The following WSCD2 variants were observed in gnomAD, a reference collection of about 807,000 sequenced individuals.
WSCD2 encodes sialate:O-sulfotransferase 2.
In WSCD2, 28 loss-of-function variants were observed where a neutral mutation model predicts 55.7. The ratio of observed to expected loss-of-function variants is 0.50; its 90% CI spans 0.37 to 0.69. WSCD2 has a LOEUF of 0.69. WSCD2 is among the 30% of genes least tolerant of loss of function. WSCD2 has a pLI of 0.00. For missense variants in WSCD2, 616 were observed against 762.1 expected, an observed-to-expected ratio of 0.81 and a Z score of 2.26; for synonymous variants, 301 against 301.9, an observed-to-expected ratio of 1.00 and a Z score of 0.03.
In WSCD2 at chr12:108,248,178, G is replaced by C; in HGVS notation, c.1533G>C (p.Glu511Asp). 6.2e-7 allele frequency: 1 copy of C among 1,614,210 alleles called. No homozygotes were observed. Reference protein sequence around the residue: ...AVREDRLLCVESQKDGNFKRS... With the variant: ...AVREDRLLCVDSQKDGNFKRS... ...GGGAGGACCGGCTGCTCTGTGTGGA[G>C]AGCCAGAAGGATGGCAACTTCAAGC... Residue 511 changes from glutamate (E) to aspartate (D), a missense_variant, in exon 9 of 9, where the codon GAG becomes GAC. Physicochemically the swap from Glu to Asp is conservative, Grantham distance 45. Coordinates refer to ENST00000547525, the MANE Select transcript of WSCD2 (RefSeq NM_014653.4). This position sits in a 1 kb window ranked among gnomAD's most constrained non-coding sequence, Gnocchi z 4.3.
At chr12:108,142,784 T>C (rs1308557838) in intron 1 of WSCD2, among the ~76,000 whole-genome samples, 1 of 152,014 alleles carries the variant, frequency 6.6e-6, no homozygotes, top group African/African-American at 2.4e-5. Flanking sequence ...TTTTCCTTCC[T>C]TTCTCCTTCC....
rs1875234068 is a variant in WSCD2 at position 108,129,320 on chromosome 12, G to A, written c.-1158G>A. 6.6e-6 allele frequency among the ~76,000 whole-genome samples: 1 copy of A among 152,152 alleles called. No homozygotes were observed. The highest frequency in any genetic ancestry group is 2.4e-5 in the African/African-American group (1 of 41,458). On this transcript the variant is annotated 5_prime_UTR_variant, in exon 1 of 9. Transcript: ENST00000547525. ...GCTGCTGGTGGCGGCGGCGGCAGCGGCGCGGGAGCTAGGGCTGGAGACGTG... is the reference window on the plus strand; with the variant it reads ...GCTGCTGGTGGCGGCGGCGGCAGCGACGCGGGAGCTAGGGCTGGAGACGTG...
chr12:108,132,811 C>T (rs1369993268), intron 1 of WSCD2, among the ~76,000 whole-genome samples: 1 of 152,200 alleles, frequency 6.6e-6, no homozygotes, highest in Non-Finnish European at 1.5e-5. Flanking sequence ...CATGTGCATA[C>T]AGCCATGTGA....
intron 1 of WSCD2, among the ~76,000 whole-genome samples, chr12:108,145,176 C>T (rs1877255532): frequency 6.6e-6 from 1 of 152,226 alleles, no homozygotes. Context: ...TTTGCACATA[C>T]TGTGCCCTTG....
intron 4 of WSCD2, among the ~76,000 whole-genome samples, chr12:108,223,588 T>A (rs964101734): frequency 3.3e-5 from 5 of 152,294 alleles, no homozygotes; most frequent in Admixed American, 2.0e-4. Context: ...GCAATGAACA[T>A]CCCTATTGAT....
Position 108,210,931 on chromosome 12 carries a change from CAGA to C in WSCD2, c.682+629_682+631del, listed in dbSNP as rs911861822. 7.9e-5 allele frequency among the ~76,000 whole-genome samples: 12 copies of C among 152,196 alleles called. No homozygotes were observed. The highest frequency in any genetic ancestry group is 5.2e-4 in the Admixed American group (8 of 15,286). ...AAAATCTCTCTGATTTCCAAACCAA[CAGA>C]AGGAGGGAGTGAATAAGAGGACAGG... On this transcript the variant is annotated intron_variant, in intron 4 of 8. Transcript: ENST00000547525. The surrounding 1 kb of genome is among the most constrained non-coding windows in gnomAD (Gnocchi z 4.3).
chr12:108,164,138 C>CTTTTTTTTTTTTTTTTTTTTTTTTTTTTT lies in WSCD2; in HGVS notation c.-551-31144_-551-31143insTTTTTTTTTTTTTTTTTTTTTTTTTTTTT. 2.2e-4 allele frequency among the ~76,000 whole-genome samples: 16 copies of CTTTTTTTTTTTTTTTTTTTTTTTTTTTTT among 71,740 alleles called. 6 individuals carry two copies. Among genetic ancestry groups the CTTTTTTTTTTTTTTTTTTTTTTTTTTTTT allele is most frequent in the East Asian group, 9.5e-4 (2 of 2,114 alleles). 47.1% of individuals were successfully genotyped at this position (71,740 alleles called of 152,430 possible). ...TTTATACTGTTGTTTAATCTTAAAT[C>CTTTTTTTTTTTTTTTTTTTTTTTTTTTTT]CTTTTTTTTTTTTTTTTTTTTTTTC... On this transcript the variant is annotated intron_variant, in intron 1 of 8. Transcript: ENST00000547525.
chr12:108,216,342 T>TA (rs1886827700), intron 4 of WSCD2, among the ~76,000 whole-genome samples: 1 of 152,180 alleles, frequency 6.6e-6, no homozygotes, highest in Non-Finnish European at 1.5e-5. Context: ...ACTAATGACA[T>TA]AGAGTAAACA....
chr12:108,245,114 T>C (rs920235949), intron 8 of WSCD2, among the ~76,000 whole-genome samples: 1 of 152,196 alleles, frequency 6.6e-6, no homozygotes, highest in Non-Finnish European at 1.5e-5. Flanking sequence ...GATTGCTGAA[T>C]TGAATGGTAC....
chr12:108,246,169 C>T (rs1015108378), intron 8 of WSCD2, among the ~76,000 whole-genome samples: 2 of 152,238 alleles, frequency 1.3e-5, no homozygotes, highest in African/African-American at 4.8e-5. Context: ...GTCACTTCAC[C>T]TCTCTGAGCC....
intron 1 of WSCD2, among the ~76,000 whole-genome samples, chr12:108,139,202 T>C (rs1170228992): frequency 6.6e-6 from 1 of 152,230 alleles, no homozygotes; most frequent in East Asian, 1.9e-4. Flanking sequence ...GGATCATTCC[T>C]TAGGCATTGG....
At chr12:108,197,619 T>C (rs1884092936) in intron 2 of WSCD2, among the ~76,000 whole-genome samples, 1 of 151,966 alleles carries the variant, frequency 6.6e-6, no homozygotes, top group Non-Finnish European at 1.5e-5. Context: ...TGCTTAGAGG[T>C]GCTCAGGAAG....
intron 1 of WSCD2, among the ~76,000 whole-genome samples, chr12:108,172,119 G>A (rs1324209023): frequency 6.6e-6 from 1 of 152,290 alleles, no homozygotes; most frequent in Admixed American, 6.5e-5. Context: ...AAGAAGCTGG[G>A]ACTATGGGAG....
Position 108,244,415 on chromosome 12 carries a change from A to T in WSCD2, c.1346-3576A>T. 6 of 680,908 alleles carry T rather than the reference A, an allele frequency of 8.8e-6. No homozygotes were observed. In the South Asian group the frequency reaches 9.1e-5, roughly 10 times the overall value. The allele number at this position is 680,908 out of a possible 1,614,324, so 42.2% of individuals were successfully genotyped here. The stretch of plus-strand genomic sequence containing the variant: ...ATTGTGCTTTTGGAGGGATGTTTGG[A>T]CTAAAATGATGGAGCATGTGGAGAG... On this transcript the variant is annotated intron_variant, in intron 8 of 8. Coordinates refer to ENST00000547525, the MANE Select transcript of WSCD2 (RefSeq NM_014653.4).
chr12:108,184,399 C>T (rs1882191803), intron 1 of WSCD2, among the ~76,000 whole-genome samples: 1 of 152,164 alleles, frequency 6.6e-6, no homozygotes, highest in Non-Finnish European at 1.5e-5. Flanking sequence ...ATTTTTCACT[C>T]CTGGTGGAAA....
intron 1 of WSCD2, among the ~76,000 whole-genome samples, chr12:108,183,406 G>A (rs536484467): frequency 4.1e-4 from 63 of 152,240 alleles, no homozygotes; most frequent in African/African-American, 1.4e-3. Context: ...GGGGGTGAGG[G>A]GGATGACAGC....
At chr12:108,217,927 C>T (rs1845124813) in intron 4 of WSCD2, among the ~76,000 whole-genome samples, 2 of 59,942 alleles carry the variant, frequency 3.3e-5, no homozygotes, top group Non-Finnish European at 8.0e-5. Context: ...GGAGGCCAGT[C>T]TCTGCAGAGC....
Position 108,248,517 on chromosome 12 carries a change from G to A in WSCD2, c.*174G>A. ...ATGACAGAGGAGGCTCAAGGGAAGA[G>A]ATTGCCCAGGCACTACCACTCTGCT... On this transcript the variant is annotated 3_prime_UTR_variant, in exon 9 of 9. Transcript: ENST00000547525. This position sits in a 1 kb window ranked among gnomAD's most constrained non-coding sequence, Gnocchi z 4.3. 7.0e-7 allele frequency: 1 copy of A among 1,421,406 alleles called. No homozygotes were observed. Among genetic ancestry groups the A allele is most frequent in the Non-Finnish European group, 9.2e-7 (1 of 1,091,504 alleles). The allele number at this position is 1,421,406 out of a possible 1,614,324, so 88.0% of individuals were successfully genotyped here.
intron 1 of WSCD2, among the ~76,000 whole-genome samples, chr12:108,141,116 C>T (rs990810055): frequency 1.3e-5 from 2 of 152,152 alleles, no homozygotes; most frequent in Non-Finnish European, 2.9e-5. Context: ...GCAAGTGACA[C>T]GATCATAGCT....
Sources: allele counts gnomAD v4.1 joint callset (sites outside exome capture counted in the v4.1 genomes callset), GRCh38; gene constraint gnomAD v4.1.1; non-coding constraint Gnocchi (gnomAD v3.1); transcripts MANE v1.5; gene names NCBI Gene and HGNC (gene_info 2026-07-23, HGNC 2026-07-21).